Variants in SCUBE2 observed in about 807,000 individuals in gnomAD.
The protein encoded by SCUBE2 is signal peptide, CUB domain and EGF like domain containing 2.
Under a neutral mutation model 125.9 loss-of-function variants are expected in SCUBE2, and 114 were observed. That is an observed-to-expected ratio of 0.91 (90% CI 0.78 to 1.06). SCUBE2 has a LOEUF of 1.06. Among genes scored for constraint, SCUBE2 ranks in the 50% least tolerant of loss-of-function variants. SCUBE2 has a pLI of 0.00. For missense variants in SCUBE2, 1,255 were observed against 1,301.8 expected (o/e 0.96, Z 0.55); for synonymous variants, 459 against 492.9 (o/e 0.93, Z 0.91).
chr11:9,065,671 C>T (rs935840563), intron 7 of SCUBE2, among the ~76,000 whole-genome samples: 5 of 152,290 alleles, frequency 3.3e-5, no homozygotes, highest in Admixed American at 3.3e-4. Context: ...GGGACGTTAA[C>T]CTGATTATTC....
Position 9,091,288 on chromosome 11 carries a change from C to T in SCUBE2, c.133+108G>A. On this transcript the variant is annotated intron_variant, in intron 1 of 22. Transcript: ENST00000649792. The surrounding 1 kb of genome is among the most constrained non-coding windows in gnomAD (Gnocchi z 8.5). Reference sequence around the variant, plus strand: ...GCAGAGGCCCCCGCGGAGCTGCAGCCGCCAGCCCCGAGCCCCGCGCGCCCG... The same window carrying T: ...GCAGAGGCCCCCGCGGAGCTGCAGCTGCCAGCCCCGAGCCCCGCGCGCCCG... 2 of 793,466 alleles carry T rather than the reference C, an allele frequency of 2.5e-6. No homozygotes were observed. Among genetic ancestry groups the T allele is most frequent in the African/African-American group, 1.8e-5 (1 of 54,802 alleles). The allele number at this position is 793,466 out of a possible 1,614,324, so 49.2% of individuals were successfully genotyped here.
chr11:9,033,948 T>A lies in SCUBE2; in HGVS notation c.2003-152A>T, dbSNP rs1208533884. On this transcript the variant is annotated intron_variant, in intron 16 of 22. Transcript: ENST00000649792. ...TACGCAGTGTGCCCTGCCTTGGTTCTCTCTGCACACCTCTGCACAGCTTGA... is the reference window on the plus strand; with the variant it reads ...TACGCAGTGTGCCCTGCCTTGGTTCACTCTGCACACCTCTGCACAGCTTGA... 5.5e-5 allele frequency: 39 copies of A among 705,602 alleles called. 1 individual carries two copies. The South Asian group carries it at 6.5e-4, about 12-fold the overall frequency. The allele number at this position is 705,602 out of a possible 1,614,324, so 43.7% of individuals were successfully genotyped here.
rs145875014 is a variant in SCUBE2, at chr11:9,032,297, A to T, written c.2173+1329T>A. On this transcript the variant is annotated intron_variant, in intron 17 of 22. Coordinates refer to ENST00000649792, the MANE Select transcript of SCUBE2 (RefSeq NM_001367977.2). ...GCTCAGCTATTTTTTGTTTTTTTTA[A>T]TTTTTTTCTACAAACGAGGTCTCAC... Among the ~76,000 whole-genome samples the T allele has an allele frequency of 2.8e-3, 423 of 151,654 alleles. 2 individuals carry two copies. The highest frequency in any genetic ancestry group is 9.8e-3 in the African/African-American group (403 of 41,310).
At chr11:9,069,520 G>T (rs184140569) in intron 4 of SCUBE2, 25 bp from the exon 5 acceptor site, 226 of 1,613,754 alleles carry the variant, frequency 1.4e-4, no homozygotes, top group Non-Finnish European at 1.8e-4. Flanking sequence ...TGTGCGACAG[G>T]TGACTAGGCT....
intron 11 of SCUBE2, 126 bp downstream of exon 11, chr11:9,053,511 G>A (rs3763903): frequency 0.02 from 22,137 of 1,101,734 alleles, 910 homozygotes; most frequent in East Asian, 0.19. Context: ...TTAAAGAACA[G>A]TTGCTGCAGC....
At chr11:9,024,189 A>G (rs1855538907) in intron 21 of SCUBE2, 1 of 1,063,682 alleles carries the variant, frequency 9.4e-7, no homozygotes, top group Non-Finnish European at 1.1e-6. Context: ...AGACATTTTC[A>G]TGTGTCACAA....
At position 9,058,409 on chromosome 11, in the gene SCUBE2, A is replaced by G. The variant is rs1859314119; in HGVS notation, c.1090+894T>C. On this transcript the variant is annotated intron_variant, in intron 9 of 22. Transcript: ENST00000649792. ...TCAGGAGTTCAAGACCAGCCTGACC[A>G]ACATAGGGAAACCCCGTCTCTACTA... Among the ~76,000 whole-genome samples the G allele has an allele frequency of 3.3e-5, 5 of 151,982 alleles. No homozygotes were observed. In the South Asian group the frequency reaches 1.0e-3, roughly 32 times the overall value.
chr11:9,058,200 C>T lies in SCUBE2; in HGVS notation c.1090+1103G>A, dbSNP rs1312513853. Among the ~76,000 whole-genome samples, 4 of 152,280 alleles carry T rather than the reference C, an allele frequency of 2.6e-5. No individual in the cohort carries two copies. In the East Asian group the frequency reaches 7.7e-4, roughly 29 times the overall value. On this transcript the variant is annotated intron_variant, in intron 9 of 22. Transcript: ENST00000649792. Reference sequence around the variant, plus strand: ...GTGCTGGGCCAGGTGCGGTGGCCCACGCCTGTAATCCCAGCACTTTGGGAG... The same window carrying T: ...GTGCTGGGCCAGGTGCGGTGGCCCATGCCTGTAATCCCAGCACTTTGGGAG...
intron 2 of SCUBE2, among the ~76,000 whole-genome samples, chr11:9,080,036 T>C (rs1861515164): frequency 6.6e-6 from 1 of 152,198 alleles, no homozygotes; most frequent in African/African-American, 2.4e-5. Context: ...TTTGGGGGAC[T>C]TTAACTCACT....
intron 16 of SCUBE2, among the ~76,000 whole-genome samples, chr11:9,041,481 C>G (rs1857239398): frequency 6.6e-6 from 1 of 152,122 alleles, no homozygotes; most frequent in East Asian, 1.9e-4. Flanking sequence ...GAAAAGGGAG[C>G]AGCCAGTGAG....
chr11:9,059,576 CT>C, intron 8 of SCUBE2, 151 bp from the exon 9 acceptor site: 1 of 1,021,634 alleles, frequency 9.8e-7, no homozygotes, highest in Non-Finnish European at 1.4e-6. Context: ...TGTTTTTAAC[CT>C]TATACATGTT....
At chr11:9,078,977 G>T (rs566328706) in intron 3 of SCUBE2, among the ~76,000 whole-genome samples, 12 of 152,190 alleles carry the variant, frequency 7.9e-5, no homozygotes, top group African/African-American at 2.9e-4. Flanking sequence ...AAAAAAGGGG[G>T]GTCTAGCTGG....
intron 17 of SCUBE2, among the ~76,000 whole-genome samples, chr11:9,033,334 A>C (rs1321108809): frequency 6.6e-6 from 1 of 152,160 alleles, no homozygotes; most frequent in African/African-American, 2.4e-5. Flanking sequence ...GAAATCACTC[A>C]GGTTTCAGGT....
intron 5 of SCUBE2, among the ~76,000 whole-genome samples, chr11:9,068,018 A>G (rs1046554006): frequency 2.6e-5 from 4 of 152,176 alleles, no homozygotes; most frequent in African/African-American, 9.7e-5. Flanking sequence ...CCTCAGGGAC[A>G]GCCTGACTTC....
At chr11:9,083,083 T>C (rs1048581602) in intron 2 of SCUBE2, among the ~76,000 whole-genome samples, 4 of 147,398 alleles carry the variant, frequency 2.7e-5, no homozygotes, top group East Asian at 2.1e-4. Flanking sequence ...ACTACAGAGA[T>C]TGGTGACCCA....
chr11:9,044,540 T>A (rs996707133), intron 16 of SCUBE2, among the ~76,000 whole-genome samples: 5 of 152,172 alleles, frequency 3.3e-5, no homozygotes, highest in African/African-American at 7.2e-5. Flanking sequence ...CCTATTTTTT[T>A]AAAAAGATAT....
intron 4 of SCUBE2, among the ~76,000 whole-genome samples, chr11:9,073,189 G>A (rs1218260662): frequency 6.6e-6 from 1 of 152,148 alleles, no homozygotes; most frequent in Non-Finnish European, 1.5e-5. Context: ...TTCCCATCTC[G>A]AATTTGGCCT....
chr11:9,030,150 A>G, intron 18 of SCUBE2, 105 bp from the exon 19 acceptor site: 4 of 1,320,734 alleles, frequency 3.0e-6, no homozygotes, highest in Non-Finnish European at 4.2e-6. Context: ...TTATGTGCAA[A>G]TGAAGTAGGG....
chr11:9,030,789 TC>T lies in SCUBE2; in HGVS notation c.2309del (p.Gly770GlufsTer61), dbSNP rs1475227332. ...CGGGLATKHQ[G>X]ATSFQDCETR... Reference sequence around the variant, plus strand: ...TTTCACAGTCCTGAAAGGAAGTAGCTCCCTGATGTTTGGTGGCAAGGCCTCC... The same window carrying T: ...TTTCACAGTCCTGAAAGGAAGTAGCTCCTGATGTTTGGTGGCAAGGCCTCC... On this transcript the variant is annotated frameshift_variant, in exon 18 of 23. Coordinates refer to ENST00000649792, the MANE Select transcript of SCUBE2 (RefSeq NM_001367977.2). LOFTEE classifies it high-confidence loss of function. 4.3e-6 allele frequency: 7 copies of T among 1,613,970 alleles called. No individual in the cohort carries two copies. The highest frequency in any genetic ancestry group is 5.9e-6 in the Non-Finnish European group (7 of 1,180,004).
Sources: gnomAD v4.1 joint callset for allele counts (sites outside exome capture counted in the v4.1 genomes callset) on GRCh38, gnomAD v4.1.1 for gene constraint, Gnocchi (gnomAD v3.1) non-coding constraint, MANE v1.5 for transcripts, NCBI Gene and HGNC (gene_info 2026-07-23, HGNC 2026-07-21) for gene names.